Variants in TAFA2 observed in about 807,000 individuals in gnomAD.
TAFA2 encodes the protein chemokine-like protein TAFA-2.
In TAFA2, 7 loss-of-function variants were observed where a neutral mutation model predicts 18.8. The ratio of observed to expected loss-of-function variants is 0.37; its 90% CI spans 0.21 to 0.70. The LOEUF (loss-of-function observed/expected upper bound fraction) is 0.70. Ranked by LOEUF, TAFA2 falls within the 30% of genes least tolerant of loss-of-function variation. TAFA2 has a pLI of 0.53. For synonymous variants in TAFA2, 60 were observed against 54.2 expected (o/e 1.11, Z -0.47); for missense variants, 122 against 158.1 (o/e 0.77, Z 1.23).
intron 1 of TAFA2, among the ~76,000 whole-genome samples, chr12:62,056,302 A>G (rs752968276): frequency 6.6e-6 from 1 of 152,240 alleles, no homozygotes; most frequent in African/African-American, 2.4e-5. Flanking sequence ...ATGCTATTAC[A>G]GTAACCAATA....
intron 1 of TAFA2, among the ~76,000 whole-genome samples, chr12:62,107,347 G>A (rs1170753991): frequency 6.6e-6 from 1 of 151,930 alleles, no homozygotes; most frequent in Admixed American, 6.6e-5. Context: ...ACTACCAAAG[G>A]GAAGAGCAAA....
At chr12:61,883,616 T>C (rs1310216690) in intron 1 of TAFA2, among the ~76,000 whole-genome samples, 2 of 152,196 alleles carry the variant, frequency 1.3e-5, no homozygotes, top group East Asian at 1.9e-4. Flanking sequence ...TGTATGAATA[T>C]TGAAGAAGGG....
At chr12:61,937,281 T>G (rs1293327604) in intron 1 of TAFA2, among the ~76,000 whole-genome samples, 1 of 152,070 alleles carries the variant, frequency 6.6e-6, no homozygotes, top group Non-Finnish European at 1.5e-5. Context: ...ATCAACATCA[T>G]TTTTCACAAA....
intron 2 of TAFA2, among the ~76,000 whole-genome samples, chr12:61,852,390 A>C (rs1326885580): frequency 6.6e-6 from 1 of 152,156 alleles, no homozygotes; most frequent in South Asian, 2.1e-4. Context: ...GAACAGAGCG[A>C]GTGAGCTGTG....
At chr12:61,897,022 T>C (rs1476102814) in intron 1 of TAFA2, among the ~76,000 whole-genome samples, 1 of 152,180 alleles carries the variant, frequency 6.6e-6, no homozygotes, top group Non-Finnish European at 1.5e-5. Flanking sequence ...TCCATATTAT[T>C]TGATACATAT....
intron 1 of TAFA2, among the ~76,000 whole-genome samples, chr12:61,947,857 A>G (rs1878333960): frequency 6.6e-6 from 1 of 152,164 alleles, no homozygotes. Context: ...ACAAATCCTG[A>G]AACAGTAAGC....
chr12:61,992,369 C>A (rs565257402), intron 1 of TAFA2, among the ~76,000 whole-genome samples: 1 of 152,158 alleles, frequency 6.6e-6, no homozygotes, highest in Admixed American at 6.5e-5. Context: ...AGGCTTCAAT[C>A]CATAGGCTTA....
intron 1 of TAFA2, among the ~76,000 whole-genome samples, chr12:62,068,146 A>T (rs1218268327): frequency 6.6e-6 from 1 of 152,006 alleles, no homozygotes; most frequent in Non-Finnish European, 1.5e-5. Flanking sequence ...TACCTTCCTC[A>T]CTTTGAAAAT....
At chr12:61,987,633 G>A (rs1331052300) in intron 1 of TAFA2, among the ~76,000 whole-genome samples, 1 of 152,148 alleles carries the variant, frequency 6.6e-6, no homozygotes, top group Non-Finnish European at 1.5e-5. Context: ...TTGTACTTCC[G>A]AGAACACAAA....
intron 2 of TAFA2, among the ~76,000 whole-genome samples, chr12:61,840,871 A>G (rs754132669): frequency 9.2e-5 from 14 of 152,122 alleles, no homozygotes; most frequent in East Asian, 1.9e-4. Flanking sequence ...AAGTAAAGTC[A>G]AGACCAACAG....
chr12:62,021,222 T>C (rs960669378), intron 1 of TAFA2, among the ~76,000 whole-genome samples: 1 of 152,232 alleles, frequency 6.6e-6, no homozygotes, highest in Non-Finnish European at 1.5e-5. Flanking sequence ...TAGCAGATGC[T>C]TGGGACACAT....
At chr12:62,183,426 C>T (rs1431492264) in intron 1 of TAFA2, among the ~76,000 whole-genome samples, 1 of 152,216 alleles carries the variant, frequency 6.6e-6, no homozygotes, top group African/African-American at 2.4e-5. Context: ...CTCTGTCAGT[C>T]AGGCTGGAGT....
intron 1 of TAFA2, among the ~76,000 whole-genome samples, chr12:61,934,907 C>A (rs1877702749): frequency 1.3e-5 from 2 of 152,122 alleles, no homozygotes; most frequent in Non-Finnish European, 2.9e-5. Flanking sequence ...ACAGTTAGTA[C>A]TTTTTGAGAA....
intron 1 of TAFA2, among the ~76,000 whole-genome samples, chr12:61,951,084 A>C (rs1428358195): frequency 6.6e-6 from 1 of 152,084 alleles, no homozygotes; most frequent in Non-Finnish European, 1.5e-5. Context: ...TGGTAGTTCC[A>C]GAGACGAAAA....
rs78882668 is a variant in TAFA2, at chr12:61,838,070, A to C, written c.106+29250T>G. ...AAGGTGAGACATTTTAGGGGACTAAATCTAAGAGAAGAGAATCAATGCCTT... is the reference window on the plus strand; with the variant it reads ...AAGGTGAGACATTTTAGGGGACTAACTCTAAGAGAAGAGAATCAATGCCTT... On this transcript the variant is annotated intron_variant, in intron 2 of 4. Coordinates refer to ENST00000416284, the MANE Select transcript of TAFA2 (RefSeq NM_178539.5). Among the ~76,000 whole-genome samples, 1,432 of 152,138 alleles carry C rather than the reference A, an allele frequency of 9.4e-3. 22 individuals are homozygous for C. Among genetic ancestry groups the C allele is most frequent in the African/African-American group, 0.033 (1,363 of 41,546 alleles).
chr12:62,109,992 C>T (rs11174325), intron 1 of TAFA2, among the ~76,000 whole-genome samples: 34,078 of 152,092 alleles, frequency 0.22, 4,187 homozygotes, highest in East Asian at 0.37. Flanking sequence ...CCTGGTTGCC[C>T]TGGCCAGAAC....
intron 1 of TAFA2, among the ~76,000 whole-genome samples, chr12:61,982,842 C>A (rs1879682610): frequency 7.8e-6 from 1 of 128,722 alleles, no homozygotes; most frequent in African/African-American, 2.9e-5. Context: ...GATTGCCTTC[C>A]AGAATGACTA....
intron 1 of TAFA2, among the ~76,000 whole-genome samples, chr12:62,026,348 G>A (rs140470052): frequency 1.3e-3 from 195 of 152,104 alleles, no homozygotes; most frequent in Non-Finnish European, 2.4e-3. Context: ...CCCTTAAAGC[G>A]CCCCTGCTTG....
At chr12:61,855,120 G>A (rs1873830227) in intron 2 of TAFA2, among the ~76,000 whole-genome samples, 1 of 152,086 alleles carries the variant, frequency 6.6e-6, no homozygotes, top group African/African-American at 2.4e-5. Context: ...GGTGAATCTG[G>A]CTCAGATTCT....
Sources: allele counts gnomAD v4.1 joint callset (sites outside exome capture counted in the v4.1 genomes callset), GRCh38; gene constraint gnomAD v4.1.1; transcripts MANE v1.5; gene names NCBI Gene and HGNC (gene_info 2026-07-23, HGNC 2026-07-21).